Variants in PRKCA observed in about 807,000 individuals in gnomAD.
The protein encoded by PRKCA is protein kinase C alpha, also known as protein kinase C alpha type.
A neutral mutation model predicts 87.0 loss-of-function variants in PRKCA; 27 were observed. That is an observed-to-expected ratio of 0.31 (90% CI 0.23 to 0.43). PRKCA has a LOEUF of 0.43. Among genes scored for constraint, PRKCA ranks in the 20% least tolerant of loss-of-function variants. The pLI is 1.00. For missense variants in PRKCA, 518 were observed against 852.3 expected (o/e 0.61, Z 4.88); for synonymous variants, 329 against 311.1 (o/e 1.06, Z -0.61).
At chr17:66,580,839 G>A (rs139476870) in intron 3 of PRKCA, among the ~76,000 whole-genome samples, 1 of 152,194 alleles carries the variant, frequency 6.6e-6, no homozygotes, top group African/African-American at 2.4e-5. Flanking sequence ...GCTTCTAACA[G>A]CCTGGATTAA....
At chr17:66,541,128 T>C (rs556994803) in intron 3 of PRKCA, among the ~76,000 whole-genome samples, 42 of 152,316 alleles carry the variant, frequency 2.8e-4, no homozygotes, top group Admixed American at 1.5e-3. Context: ...TCTATCTGAT[T>C]CTTTGGAAGC....
chr17:66,430,452 C>A (rs1187205843), intron 2 of PRKCA, among the ~76,000 whole-genome samples: 1 of 151,716 alleles, frequency 6.6e-6, no homozygotes, highest in Non-Finnish European at 1.5e-5. Context: ...GTAGTCAAAA[C>A]CTGTGCTTGG....
intron 9 of PRKCA, 51 bp from the exon 10 acceptor site, chr17:66,735,438 C>T: frequency 1.9e-6 from 3 of 1,608,806 alleles, no homozygotes; most frequent in Non-Finnish European, 2.6e-6. Context: ...TCCCTCTGCC[C>T]CCCAAGATAT....
Position 66,587,891 on chromosome 17 carries a change from GTGTGTATATA to G in PRKCA, c.289-53462_289-53453del, listed in dbSNP as rs1159296996. The stretch of plus-strand genomic sequence containing the variant: ...TGTATGTGTGTGTGTGTGTGTGTGT[GTGTGTATATA>G]TATATATATATATATATATATATAT... On this transcript the variant is annotated intron_variant, in intron 3 of 16. Transcript: ENST00000413366. Among the ~76,000 whole-genome samples the G allele has an allele frequency of 1.7e-3, 147 of 87,054 alleles. 6 individuals are homozygous for G. Among genetic ancestry groups the G allele is most frequent in the Non-Finnish European group, 2.3e-3 (107 of 45,684 alleles). The allele number at this position is 87,054 out of a possible 152,430, so 57.1% of individuals were successfully genotyped here.
At chr17:66,333,489 G>A (rs372132578) in intron 2 of PRKCA, among the ~76,000 whole-genome samples, 2 of 152,288 alleles carry the variant, frequency 1.3e-5, no homozygotes, top group African/African-American at 4.8e-5. Flanking sequence ...GCACATGTTT[G>A]TATGCTCACT....
chr17:66,493,898 G>A (rs1403110314), intron 2 of PRKCA, among the ~76,000 whole-genome samples: 2 of 152,208 alleles, frequency 1.3e-5, no homozygotes, highest in African/African-American at 2.4e-5. Context: ...GACTATGCAA[G>A]AGGCTTCTAA....
chr17:66,509,166 GTGTGTGTGTGTA>G (rs1213666231), intron 3 of PRKCA, among the ~76,000 whole-genome samples: 2 of 131,480 alleles, frequency 1.5e-5, no homozygotes, highest in African/African-American at 2.9e-5. Flanking sequence ...AAAGGAACGT[GTGTGTGTGTGTA>G]TGTGTGTGTG....
At chr17:66,335,483 C>T (rs9903921) in intron 2 of PRKCA, among the ~76,000 whole-genome samples, 52,768 of 151,174 alleles carry the variant, frequency 0.35, 9,391 homozygotes, top group Non-Finnish European at 0.37. Flanking sequence ...AAACATTCTG[C>T]GGATGGATGA....
At chr17:66,718,982 CTT>C (rs1171740902) in intron 8 of PRKCA, among the ~76,000 whole-genome samples, 2 of 152,166 alleles carry the variant, frequency 1.3e-5, no homozygotes. Context: ...TTCCTCTTCT[CTT>C]TGACTATTCA....
intron 8 of PRKCA, among the ~76,000 whole-genome samples, chr17:66,711,675 A>G (rs1452553665): frequency 6.6e-6 from 1 of 152,176 alleles, no homozygotes; most frequent in Non-Finnish European, 1.5e-5. Flanking sequence ...ATTAGATCAA[A>G]CTGGAAAATT....
chr17:66,338,568 T>C (rs1486345060), intron 2 of PRKCA, among the ~76,000 whole-genome samples: 2 of 152,148 alleles, frequency 1.3e-5, no homozygotes, highest in Admixed American at 6.5e-5. Flanking sequence ...TGATAAGGAC[T>C]TAACATTCCC....
chr17:66,550,526 G>A (rs1968293253), intron 3 of PRKCA, among the ~76,000 whole-genome samples: 1 of 152,126 alleles, frequency 6.6e-6, no homozygotes, highest in African/African-American at 2.4e-5. Flanking sequence ...GCGGACATCT[G>A]TAGTCTCAGC....
intron 3 of PRKCA, among the ~76,000 whole-genome samples, chr17:66,641,137 G>A (rs1280596317): frequency 5.8e-5 from 8 of 137,660 alleles, no homozygotes; most frequent in South Asian, 2.4e-4. Context: ...CAGCCTGGGC[G>A]ACGAGCAAGA....
chr17:66,787,021 G>C (rs757607995), intron 15 of PRKCA, 47 bp downstream of exon 15: 72 of 1,334,690 alleles, frequency 5.4e-5, no homozygotes, highest in Non-Finnish European at 7.7e-5. Context: ...AAGAGCTTTG[G>C]TAGGAGAAAT....
intron 2 of PRKCA, among the ~76,000 whole-genome samples, chr17:66,388,783 C>T (rs1046771880): frequency 2.6e-5 from 4 of 152,152 alleles, no homozygotes; most frequent in Non-Finnish European, 5.9e-5. Context: ...CACAAAGACC[C>T]AGGGTCGTGG....
chr17:66,520,477 C>T (rs1187503152), intron 3 of PRKCA, among the ~76,000 whole-genome samples: 1 of 152,032 alleles, frequency 6.6e-6, no homozygotes, highest in Non-Finnish European at 1.5e-5. Context: ...GTTGCCCAGG[C>T]TGGTCTCAAA....
At chr17:66,303,223 C>T (rs892006069) in intron 1 of PRKCA, among the ~76,000 whole-genome samples, 199 bp downstream of exon 1, 1 of 152,080 alleles carries the variant, frequency 6.6e-6, no homozygotes, top group African/African-American at 2.4e-5. Context: ...CGCCGTCCCG[C>T]CACACACACC....
intron 3 of PRKCA, among the ~76,000 whole-genome samples, chr17:66,583,395 G>T (rs760272435): frequency 1.1e-4 from 17 of 152,062 alleles, no homozygotes; most frequent in Non-Finnish European, 2.1e-4. Context: ...GAAATGCAGG[G>T]GTTAAGAATA....
intron 3 of PRKCA, among the ~76,000 whole-genome samples, chr17:66,554,896 T>TTTTTTTTA (rs1286761025): frequency 4.0e-5 from 6 of 151,394 alleles, no homozygotes; most frequent in East Asian, 3.9e-4. Flanking sequence ...TTTTTTTTTT[T>TTTTTTTTA]AAAGACAGGG....
Sources: gnomAD v4.1 joint callset for allele counts (sites outside exome capture counted in the v4.1 genomes callset) on GRCh38, gnomAD v4.1.1 for gene constraint, MANE v1.5 for transcripts, NCBI Gene and HGNC (gene_info 2026-07-23, HGNC 2026-07-21) for gene names.